Variants in MAST1 observed in about 807,000 individuals in gnomAD.
MAST1 encodes the protein microtubule-associated serine/threonine-protein kinase 1.
Under a neutral mutation model 124.6 loss-of-function variants are expected in MAST1, and 40 were observed. That is an observed-to-expected ratio of 0.32 (90% CI 0.25 to 0.42). The LOEUF (loss-of-function observed/expected upper bound fraction) is 0.42. MAST1 is among the 10% of genes least tolerant of loss of function. MAST1 has a pLI of 1.00. For missense variants in MAST1, 1,558 were observed against 2,181.9 expected (o/e 0.71, Z 5.70); for synonymous variants, 938 against 939.4 (o/e 1.00, Z 0.03).
intron 12 of MAST1, among the ~76,000 whole-genome samples, chr19:12,860,414 C>T (rs1486022214): frequency 6.7e-6 from 1 of 149,556 alleles, no homozygotes; most frequent in Non-Finnish European, 1.5e-5. Flanking sequence ...CCACACCCGG[C>T]TTATACACCT....
Position 12,843,477 on chromosome 19 carries a change from T to C in MAST1, c.249-52T>C. On this transcript the variant is annotated intron_variant, in intron 3 of 25. Transcript: ENST00000251472. The surrounding 1 kb of genome is among the most constrained non-coding windows in gnomAD (Gnocchi z 4.9). ...GTGGCTTCACCCACACCCTGAGGAGTTGGGGGACCGCTGGGGCCTTGTGGC... is the reference window on the plus strand; with the variant it reads ...GTGGCTTCACCCACACCCTGAGGAGCTGGGGGACCGCTGGGGCCTTGTGGC... 2.1e-6 allele frequency: 3 copies of C among 1,458,270 alleles called. No individual in the cohort carries two copies. Among genetic ancestry groups the C allele is most frequent in the South Asian group, 1.1e-5 (1 of 87,008 alleles). The allele number at this position is 1,458,270 out of a possible 1,614,324, so 90.3% of individuals were successfully genotyped here.
chr19:12,852,017 G>C lies in MAST1; in HGVS notation c.858G>C (p.Ala286=). ...TGCTTATTATCATCTCACGCCCTGC[G>C]AGGCTGCTGGAGTGCCTGGTGAGGG... is the stretch of plus-strand genomic sequence containing the variant. ...KKLLIIISRP[A]RLLECLEFNP... Residue 286 remains alanine, a synonymous_variant, in exon 8 of 26, where the codon GCG becomes GCC. Coordinates refer to ENST00000251472, the MANE Select transcript of MAST1 (RefSeq NM_014975.3). 3 of 1,614,050 alleles carry C rather than the reference G, an allele frequency of 1.9e-6. No homozygotes were observed. The South Asian group carries it at 3.3e-5, about 18-fold the overall frequency.
Position 12,865,625 on chromosome 19 carries a change from C to A in MAST1, c.1805-92C>A. The A allele has an allele frequency of 7.0e-7, 1 of 1,420,754 alleles. No homozygotes were observed. Among genetic ancestry groups the A allele is most frequent in the Non-Finnish European group, 9.7e-7 (1 of 1,028,470 alleles). 88.0% of individuals were successfully genotyped at this position (1,420,754 alleles called of 1,614,324 possible). ...AAGGCTGCAGTGAGCCATGATCGTG[C>A]CACTGCACTCCAGCTGGGTGACACA... On this transcript the variant is annotated intron_variant, in intron 15 of 25. Coordinates refer to ENST00000251472, the MANE Select transcript of MAST1 (RefSeq NM_014975.3). This position sits in a 1 kb window ranked among gnomAD's most constrained non-coding sequence, Gnocchi z 7.1.
Position 12,866,876 on chromosome 19 carries a change from A to T in MAST1, c.2139+114A>T. The T allele has an allele frequency of 1.2e-6, 1 of 861,604 alleles. No individual in the cohort carries two copies. Among genetic ancestry groups the T allele is most frequent in the Non-Finnish European group, 1.8e-6 (1 of 542,336 alleles). 53.4% of individuals were successfully genotyped at this position (861,604 alleles called of 1,614,324 possible). On this transcript the variant is annotated intron_variant, in intron 18 of 25. Transcript: ENST00000251472. This position sits in a 1 kb window ranked among gnomAD's most constrained non-coding sequence, Gnocchi z 5.2. ...AGGTCTCAGGAGCGGGAAGTTATTG[A>T]TGGGGCGGGAGTCTGGAAGGTGGTA...
rs1054203019 is a variant in MAST1 at position 12,865,662 on chromosome 19, T to C, written c.1805-55T>C. 6 of 1,495,038 alleles carry C rather than the reference T, an allele frequency of 4.0e-6. No individual in the cohort carries two copies. The highest frequency in any genetic ancestry group is 4.6e-6 in the Non-Finnish European group (5 of 1,094,778). 92.6% of individuals were successfully genotyped at this position (1,495,038 alleles called of 1,614,324 possible). A position where few individuals can be genotyped will look rare whatever the true frequency, so the allele number is the denominator to read the frequency against. On this transcript the variant is annotated intron_variant, in intron 15 of 25. Coordinates refer to ENST00000251472, the MANE Select transcript of MAST1 (RefSeq NM_014975.3). This position sits in a 1 kb window ranked among gnomAD's most constrained non-coding sequence, Gnocchi z 7.1. ...AGCTGGGTGACACAGTGAGATCCTGTGTCCAAACAACAACAACAACAAAAA... is the reference window on the plus strand; with the variant it reads ...AGCTGGGTGACACAGTGAGATCCTGCGTCCAAACAACAACAACAACAAAAA...
In MAST1 at chr19:12,840,975, C is replaced by T. The variant is rs1490524548; in HGVS notation, c.173-16C>T. The T allele has an allele frequency of 6.0e-6, 6 of 1,006,518 alleles. No homozygotes were observed. The African/African-American group carries it at 7.9e-5, about 13-fold the overall frequency. The allele number at this position is 1,006,518 out of a possible 1,614,324, so 62.3% of individuals were successfully genotyped here. A position where few individuals can be genotyped will look rare whatever the true frequency, so the allele number is the denominator to read the frequency against. ...ACGAGAGACCTGACAGGATTTGCCC[C>T]CTCTTTCTCTCATAGGCAGCAGTCC... On this transcript the variant is annotated splice_polypyrimidine_tract_variant and intron_variant, in intron 2 of 25. Transcript: ENST00000251472.
At position 12,866,335 on chromosome 19, in the gene MAST1, C is replaced by G. The variant is rs887619471; in HGVS notation, c.2029+233C>G. Among the ~76,000 whole-genome samples the G allele has an allele frequency of 3.3e-5, 5 of 151,972 alleles. No individual in the cohort carries two copies. Among genetic ancestry groups the G allele is most frequent in the African/African-American group, 1.2e-4 (5 of 41,362 alleles). On this transcript the variant is annotated intron_variant, in intron 17 of 25. Coordinates refer to ENST00000251472, the MANE Select transcript of MAST1 (RefSeq NM_014975.3). The surrounding 1 kb of genome is among the most constrained non-coding windows in gnomAD (Gnocchi z 5.2). Reference sequence around the variant, plus strand: ...GATTGGGCTAGGTGTGGGGCCTGGCCTGGGTGAGTTGTGAGTGTGGGCCTG... The same window carrying G: ...GATTGGGCTAGGTGTGGGGCCTGGCGTGGGTGAGTTGTGAGTGTGGGCCTG...
At chr19:12,873,182 C>G in intron 24 of MAST1, 142 bp from the exon 25 acceptor site, 1 of 773,110 alleles carries the variant, frequency 1.3e-6, no homozygotes, top group South Asian at 1.7e-5. Flanking sequence ...AAAGGAAGTT[C>G]TTTATCTTGA....
intron 22 of MAST1, among the ~76,000 whole-genome samples, chr19:12,869,672 G>A (rs554576117): frequency 3.9e-5 from 6 of 152,004 alleles, no homozygotes; most frequent in South Asian, 2.1e-4. Flanking sequence ...TCTTGACCTC[G>A]TGATTCACCC....
At chr19:12,846,571 C>T (rs1969896603) in intron 4 of MAST1, among the ~76,000 whole-genome samples, 1 of 151,830 alleles carries the variant, frequency 6.6e-6, no homozygotes, top group African/African-American at 2.4e-5. Context: ...CTGGCTTGTC[C>T]AAGGACCATC....
Position 12,868,719 on chromosome 19 carries a change from C to T in MAST1, c.2643C>T (p.Asp881=), listed in dbSNP as rs759191010. The change falls in exon 21 of 26, where the codon GAC becomes GAT. Residue 881 remains aspartate, a synonymous_variant. Coordinates refer to ENST00000251472, the MANE Select transcript of MAST1 (RefSeq NM_014975.3). The stretch of plus-strand genomic sequence containing the variant: ...CATCAGGCCCAAGGGCTACCAATGA[C>T]TTGGTTCTGCGCCGGGCGCGGCACC... The part of the protein sequence containing the change: ...GDASGPRATN[D]LVLRRARHQQ... The T allele has an allele frequency of 1.2e-6, 2 of 1,613,118 alleles. No individual in the cohort carries two copies. The highest frequency in any genetic ancestry group is 2.2e-5 in the East Asian group (1 of 44,862).
chr19:12,854,123 C>CTTTTT (rs533163138), intron 10 of MAST1, among the ~76,000 whole-genome samples: 1 of 126,682 alleles, frequency 7.9e-6, no homozygotes, highest in Non-Finnish European at 1.6e-5. Context: ...CTGGATATTT[C>CTTTTT]TTTTTTTTTT....
At chr19:12,850,446 CATTAA>C (rs1969947142) in intron 7 of MAST1, among the ~76,000 whole-genome samples, 1 of 152,138 alleles carries the variant, frequency 6.6e-6, no homozygotes, top group African/African-American at 2.4e-5. Context: ...TCCCCCAGAA[CATTAA>C]ATTAATTTTT....
In MAST1 at chr19:12,874,813, G is replaced by T. The variant is rs1187257868; in HGVS notation, c.4656G>T (p.Val1552=). The part of the protein sequence containing the change: ...GLTSRCPAEA[V]PPAGLTKKGV... ...CCTCCCGGTGCCCTGCTGAAGCTGTGCCCCCAGCAGGCCTGACCAAAAAAG... is the reference window on the plus strand; with the variant it reads ...CCTCCCGGTGCCCTGCTGAAGCTGTTCCCCCAGCAGGCCTGACCAAAAAAG... The change falls in exon 26 of 26, where the codon GTG becomes GTT. Residue 1552 remains valine, a synonymous_variant. Transcript: ENST00000251472. The surrounding 1 kb of genome is among the most constrained non-coding windows in gnomAD (Gnocchi z 6.6). 6.3e-7 allele frequency: 1 copy of T among 1,598,880 alleles called. No homozygotes were observed.
At chr19:12,852,565 A>C (rs983166796) in intron 10 of MAST1, among the ~76,000 whole-genome samples, 170 bp downstream of exon 10, 7 of 152,050 alleles carry the variant, frequency 4.6e-5, no homozygotes, top group African/African-American at 1.7e-4. Context: ...AGAGCCTGGC[A>C]TGCTGGCTCA....
At chr19:12,842,720 G>A (rs998567638) in intron 3 of MAST1, among the ~76,000 whole-genome samples, 1 of 152,150 alleles carries the variant, frequency 6.6e-6, no homozygotes, top group African/African-American at 2.4e-5. Flanking sequence ...TGAGTGTGTC[G>A]CTGTGTGCAA....
In MAST1 at chr19:12,865,579, A is replaced by G; in HGVS notation, c.1804+98A>G. The G allele has an allele frequency of 1.3e-6, 2 of 1,493,404 alleles. No individual in the cohort carries two copies. Among genetic ancestry groups the G allele is most frequent in the Non-Finnish European group, 1.8e-6 (2 of 1,104,746 alleles). The allele number at this position is 1,493,404 out of a possible 1,614,324, so 92.5% of individuals were successfully genotyped here. The stretch of plus-strand genomic sequence containing the variant: ...GATTTCAAAAGCGACCCCCCAGAGG[A>G]TCGCTTGCACTCAGGAGGTCAAGGC... On this transcript the variant is annotated intron_variant, in intron 15 of 25. Transcript: ENST00000251472. This position sits in a 1 kb window ranked among gnomAD's most constrained non-coding sequence, Gnocchi z 7.1.
chr19:12,854,584 C>A (rs1306420253), intron 10 of MAST1, among the ~76,000 whole-genome samples: 1 of 152,170 alleles, frequency 6.6e-6, no homozygotes. Flanking sequence ...ATGGTAGATG[C>A]ATTCATCCAC....
chr19:12,871,674 C>G (rs1599592673), intron 24 of MAST1, among the ~76,000 whole-genome samples: 2 of 151,616 alleles, frequency 1.3e-5, no homozygotes, highest in Admixed American at 1.3e-4. Context: ...AATCACAGCA[C>G]TTTGGGAGGC....
Sources: gnomAD v4.1 joint callset for allele counts (sites outside exome capture counted in the v4.1 genomes callset) on GRCh38, gnomAD v4.1.1 for gene constraint, Gnocchi (gnomAD v3.1) non-coding constraint, MANE v1.5 for transcripts, NCBI Gene and HGNC (gene_info 2026-07-23, HGNC 2026-07-21) for gene names.